Variants in PLAU observed in about 807,000 individuals in gnomAD.
The protein encoded by PLAU is plasminogen activator, urokinase.
PLAU carries 32 observed loss-of-function variants against 48.9 expected under a neutral mutation model. That is an observed-to-expected ratio of 0.65 (90% CI 0.49 to 0.88). PLAU has a LOEUF of 0.88. Among genes scored for constraint, PLAU ranks in the 40% least tolerant of loss-of-function variants. The probability of loss-of-function intolerance (pLI) is 0.00; values close to 1 mark genes in which losing one functional copy is unlikely to be tolerated. For missense variants in PLAU, 455 were observed against 545.2 expected (o/e 0.83, Z 1.65); for synonymous variants, 199 against 205.7 (o/e 0.97, Z 0.28).
Position 73,914,034 on chromosome 10 carries a change from C to G in PLAU, c.735C>G (p.Asn245Lys), listed in dbSNP as rs1249124159. ...TCTACCTGGGTCGCTCAAGGCTTAA[C>G]TCCAACACGCAAGGGGAGATGAAGT... Reference protein sequence around the residue: ...YIVYLGRSRLNSNTQGEMKFE... With the variant: ...YIVYLGRSRLKSNTQGEMKFE... Residue 245 changes from asparagine (N) to lysine (K), a missense_variant, in exon 8 of 11, where the codon AAC becomes AAG. Asn to Lys is a moderately conservative substitution (Grantham distance 94). Transcript: ENST00000372764. 1.2e-6 allele frequency: 2 copies of G among 1,613,864 alleles called. No homozygotes were observed. The highest frequency in any genetic ancestry group is 2.7e-5 in the African/African-American group (2 of 74,940).
At chr10:73,911,976 A>AC in intron 2 of PLAU, 65 bp from the exon 3 acceptor site, 1 of 1,613,982 alleles carries the variant, frequency 6.2e-7, no homozygotes, top group Non-Finnish European at 8.5e-7. Context: ...GGGCCAGTTT[A>AC]CCCTCACCCT....
rs762167389 is a variant in PLAU, at chr10:73,914,832, C to A, written c.886C>A (p.Gln296Lys). 3 of 1,614,138 alleles carry A rather than the reference C, an allele frequency of 1.9e-6. No homozygotes were observed. Among genetic ancestry groups the A allele is most frequent in the Non-Finnish European group, 2.5e-6 (3 of 1,179,962 alleles). ...GTGTGCGCAGCCATCCCGGACTATA[C>A]AGACCATCTGCCTGCCCTCGATGTA... is the stretch of plus-strand genomic sequence containing the variant. ...GRCAQPSRTI[Q>K]TICLPSMYND... Residue 296 changes from glutamine to lysine, a missense_variant, in exon 9 of 11, where the codon CAG becomes AAG. Physicochemically the swap from Gln to Lys is moderately conservative, Grantham distance 53 (BLOSUM62 1). Coordinates refer to ENST00000372764, the MANE Select transcript of PLAU (RefSeq NM_002658.6).
At position 73,911,616 on chromosome 10, in the gene PLAU, A is replaced by G. The variant is rs748199905; in HGVS notation, c.57+4A>G. The G allele has an allele frequency of 4.3e-6, 7 of 1,613,860 alleles. No homozygotes were observed. Among genetic ancestry groups the G allele is most frequent in the Non-Finnish European group, 5.9e-6 (7 of 1,179,966 alleles). On this transcript the variant is annotated splice_donor_region_variant and intron_variant, in intron 2 of 10. Coordinates refer to ENST00000372764, the MANE Select transcript of PLAU (RefSeq NM_002658.6). ...CCTGGTCGTGAGCGACTCCAAAGTG[A>G]GTGCGCTCTTGCTTTGACTGATGCT...
In PLAU at chr10:73,912,046, C is replaced by T. The variant is rs1205672968; in HGVS notation, c.63C>T (p.Ser21=). ...CVLVVSDSKG[S]NELHQVPSNC... is the part of the protein sequence containing the mutation. ...TCCTCCCGAATCTCTTCCAGGGCAG[C>T]AATGAACTTCATCAAGTTCCATGTG... The change falls in exon 3 of 11, where the codon AGC becomes AGT. Residue 21 remains serine (S), a synonymous_variant. Coordinates refer to ENST00000372764, the MANE Select transcript of PLAU (RefSeq NM_002658.6). The T allele has an allele frequency of 3.1e-6, 5 of 1,611,048 alleles. No homozygotes were observed. Among genetic ancestry groups the T allele is most frequent in the Non-Finnish European group, 4.2e-6 (5 of 1,178,166 alleles).
chr10:73,915,299 T>G lies in PLAU; in HGVS notation c.1019T>G (p.Ile340Ser), dbSNP rs2096134197. The stretch of plus-strand genomic sequence containing the variant: ...CTGAAAATGACTGTTGTGAAGCTGA[T>G]TTCCCACCGGGAGTGTCAGCAGCCC... The part of the protein sequence containing the change: ...EQLKMTVVKL[I>S]SHRECQQPHY... The change falls in exon 10 of 11, where the codon ATT (isoleucine) becomes AGT (serine). Residue 340 changes from isoleucine to serine, a missense_variant. Transcript: ENST00000372764. 3 of 1,613,940 alleles carry G rather than the reference T, an allele frequency of 1.9e-6. No individual in the cohort carries two copies. Among genetic ancestry groups the G allele is most frequent in the Non-Finnish European group, 2.5e-6 (3 of 1,179,988 alleles).
chr10:73,911,085 G>A (rs372730940), upstream of PLAU: 33 of 160,878 alleles, frequency 2.1e-4, no homozygotes, highest in East Asian at 5.6e-3. Flanking sequence ...AGGGAGGGGC[G>A]GCGCCGGGGC....
chr10:73,911,775 C>T, intron 2 of PLAU, 163 bp downstream of exon 2: 2 of 1,551,888 alleles, frequency 1.3e-6, no homozygotes, highest in Non-Finnish European at 1.7e-6. Flanking sequence ...GCTTGAGAAC[C>T]ACGGGGGTTG....
rs372720180 is a variant in PLAU at position 73,912,194 on chromosome 10, C to T, written c.86-21C>T. Reference sequence around the variant, plus strand: ...TACCACTTCCACTCCCCCTCGCTTACCCCACCTTTGTTCTCTCCAGCGAAC... The same window carrying T: ...TACCACTTCCACTCCCCCTCGCTTATCCCACCTTTGTTCTCTCCAGCGAAC... On this transcript the variant is annotated intron_variant, in intron 3 of 10. Coordinates refer to ENST00000372764, the MANE Select transcript of PLAU (RefSeq NM_002658.6). 5 of 1,614,076 alleles carry T rather than the reference C, an allele frequency of 3.1e-6. No homozygotes were observed. The Admixed American group carries it at 6.7e-5, about 22-fold the overall frequency.
At position 73,915,413 on chromosome 10, in the gene PLAU, G is replaced by A. The variant is rs751861644; in HGVS notation, c.1119+14G>A. On this transcript the variant is annotated intron_variant, in intron 10 of 10. Coordinates refer to ENST00000372764, the MANE Select transcript of PLAU (RefSeq NM_002658.6). ...GATTCCTGCCAGGTGAGTGTTCCAAGCATCTCTCTCCACCTCTTCCATATC... is the reference window on the plus strand; with the variant it reads ...GATTCCTGCCAGGTGAGTGTTCCAAACATCTCTCTCCACCTCTTCCATATC... The A allele has an allele frequency of 1.9e-6, 3 of 1,593,870 alleles. No homozygotes were observed. Among genetic ancestry groups the A allele is most frequent in the South Asian group, 2.3e-5 (2 of 88,020 alleles).
At chr10:73,915,785 G>A (rs2096135462) in intron 10 of PLAU, among the ~76,000 whole-genome samples, 1 of 152,168 alleles carries the variant, frequency 6.6e-6, no homozygotes, top group Admixed American at 6.5e-5. Flanking sequence ...AAGAGGCAGA[G>A]GGAAGAAAGG....
At chr10:73,914,225 C>A in intron 8 of PLAU, 97 bp downstream of exon 8, 1 of 1,322,206 alleles carries the variant, frequency 7.6e-7, no homozygotes, top group Non-Finnish European at 1.1e-6. Flanking sequence ...CCCGGTGGGG[C>A]AGGGGTGGGG....
upstream of PLAU, chr10:73,910,422 C>T (rs1565607300): frequency 6.6e-6 from 1 of 152,240 alleles, no homozygotes; most frequent in African/African-American, 2.4e-5. Flanking sequence ...TATCACGACA[C>T]CTAACCCAAT....
chr10:73,913,503 C>T (rs767024253), intron 6 of PLAU, 36 bp from the exon 7 acceptor site: 6 of 1,573,520 alleles, frequency 3.8e-6, no homozygotes, highest in East Asian at 4.5e-5. Context: ...TTTCTCCTAC[C>T]TGCCTCCCTA....
At chr10:73,910,087 C>T (rs2096121177), upstream of PLAU, 1 of 152,162 alleles carries the variant, frequency 6.6e-6, no homozygotes, top group Admixed American at 6.5e-5. Flanking sequence ...GCATAATTAT[C>T]TTTTTGGAAT....
upstream of PLAU, among the ~76,000 whole-genome samples, chr10:73,909,772 C>G (rs1239811815): frequency 6.6e-6 from 1 of 152,170 alleles, no homozygotes; most frequent in Non-Finnish European, 1.5e-5. Context: ...ACTAAGAGAG[C>G]GAGTCCTACT....
At position 73,915,405 on chromosome 10, in the gene PLAU, T is replaced by A. The variant is rs1336900773; in HGVS notation, c.1119+6T>A. 7 of 1,599,560 alleles carry A rather than the reference T, an allele frequency of 4.4e-6. No homozygotes were observed. In the African/African-American group the frequency reaches 6.7e-5, roughly 15 times the overall value. On this transcript the variant is annotated splice_donor_region_variant and intron_variant, in intron 10 of 10. Transcript: ENST00000372764. ...GGAAAACAGATTCCTGCCAGGTGAGTGTTCCAAGCATCTCTCTCCACCTCT... is the reference window on the plus strand; with the variant it reads ...GGAAAACAGATTCCTGCCAGGTGAGAGTTCCAAGCATCTCTCTCCACCTCT...
At chr10:73,913,127 C>T (rs745998178) in intron 5 of PLAU, 29 bp downstream of exon 5, 10 of 1,606,630 alleles carry the variant, frequency 6.2e-6, no homozygotes, top group Non-Finnish European at 8.5e-6. Flanking sequence ...GGACCAAAAG[C>T]CCTCCCTACA....
In PLAU at chr10:73,914,013, C is replaced by T. The variant is rs755684568; in HGVS notation, c.714C>T (p.Tyr238=). The T allele has an allele frequency of 2.5e-6, 4 of 1,613,826 alleles. No individual in the cohort carries two copies. In the South Asian group the frequency reaches 3.3e-5, roughly 13 times the overall value. ...CAAAGAAGGAGGACTACATCGTCTA[C>T]CTGGGTCGCTCAAGGCTTAACTCCA... ...DYPKKEDYIV[Y]LGRSRLNSNT... is the part of the protein sequence containing the mutation. Residue 238 remains tyrosine (Y), a synonymous_variant, in exon 8 of 11, where the codon TAC becomes TAT. Transcript: ENST00000372764.
At chr10:73,916,243 C>T (rs144008112) in intron 10 of PLAU, 146 bp from the exon 11 acceptor site, 2 of 720,796 alleles carry the variant, frequency 2.8e-6, no homozygotes, top group Non-Finnish European at 4.7e-6. Flanking sequence ...ATTCTGTCCT[C>T]CCCCCGAAAA....
Sources: gnomAD v4.1 joint callset for allele counts (sites outside exome capture counted in the v4.1 genomes callset) on GRCh38, gnomAD v4.1.1 for gene constraint, MANE v1.5 for transcripts, NCBI Gene and HGNC (gene_info 2026-07-23, HGNC 2026-07-21) for gene names.